Variants in NBPF11 observed in about 807,000 individuals in gnomAD.
NBPF11 encodes NBPF family member NBPF11.
In NBPF11, 72 loss-of-function variants were observed where a neutral mutation model predicts 93.9. The ratio of observed to expected loss-of-function variants is 0.77; its 90% CI spans 0.63 to 0.93. The LOEUF (loss-of-function observed/expected upper bound fraction) is 0.93. Among genes scored for constraint, NBPF11 ranks in the 40% least tolerant of loss-of-function variants. The pLI is 0.00. For missense variants in NBPF11, 705 were observed against 802.2 expected, an observed-to-expected ratio of 0.88 and a Z score of 1.46; for synonymous variants, 224 against 304.9, an observed-to-expected ratio of 0.73 and a Z score of 2.76.
intron 5 of NBPF11, 94 bp downstream of exon 5, chr1:148,126,735 T>G (rs1472845624): frequency 1.1e-6 from 1 of 942,648 alleles, no homozygotes; most frequent in East Asian, 2.4e-5. Context: ...TCTGTTTTCC[T>G]AGAAGTACAG....
At chr1:148,125,366 C>A (rs1291335917) in intron 5 of NBPF11, among the ~76,000 whole-genome samples, 8 of 151,972 alleles carry the variant, frequency 5.3e-5, no homozygotes, top group Admixed American at 2.6e-4. Context: ...GTAGTGATTT[C>A]TTGTACAGTC....
chr1:148,147,720 C>G (rs1408860811), intron 1 of NBPF11, among the ~76,000 whole-genome samples: 23 of 152,132 alleles, frequency 1.5e-4, no homozygotes, highest in Non-Finnish European at 3.1e-4. Flanking sequence ...GATATGCAGG[C>G]AGTCCCTGCT....
Position 148,105,370 on chromosome 1 carries a change from A to C in NBPF11, c.2462T>G (p.Leu821Trp). 5.9e-6 allele frequency: 5 copies of C among 853,332 alleles called. No individual in the cohort carries two copies. Among genetic ancestry groups the C allele is most frequent in the Non-Finnish European group, 6.0e-6 (3 of 496,014 alleles). 52.9% of individuals were successfully genotyped at this position (853,332 alleles called of 1,614,324 possible). The change falls in exon 22 of 24, where the codon TTG (leucine) becomes TGG (tryptophan). Residue 821 changes from leucine (L) to tryptophan (W), a missense_variant. Leu to Trp is a moderately conservative substitution (Grantham distance 61, BLOSUM62 -2). Transcript: ENST00000682118. ...HWRKNMLAFLLTWEKLKRRGR... is the reference protein window; with the variant it reads ...HWRKNMLAFLWTWEKLKRRGR... ...TAGAAAGGTACTCACCTCCCACGTC[A>C]AGAGAAAAGCCAACATGTTTTTCCT...
intron 8 of NBPF11, 73 bp from the exon 9 acceptor site, chr1:148,122,339 G>A: frequency 6.2e-7 from 1 of 1,607,684 alleles, no homozygotes; most frequent in South Asian, 1.1e-5. Context: ...AGTCCTAGCT[G>A]GTTTTGACAA....
intron 16 of NBPF11, 32 bp downstream of exon 16, chr1:148,110,346 G>C (rs1664952107): frequency 6.4e-7 from 1 of 1,572,850 alleles, no homozygotes; most frequent in African/African-American, 1.4e-5. Context: ...CCATGAACTG[G>C]AGCTTTATCA....
chr1:148,141,487 A>C (rs1672160133), intron 2 of NBPF11, among the ~76,000 whole-genome samples: 1 of 152,016 alleles, frequency 6.6e-6, no homozygotes, highest in Admixed American at 6.5e-5. Flanking sequence ...ACTTTTTTTT[A>C]ATTAGGATGC....
In NBPF11 at chr1:148,116,471, A is replaced by G. The variant is rs1666575634; in HGVS notation, c.1371T>C (p.Ser457=). The G allele has an allele frequency of 4.0e-6, 3 of 747,924 alleles. No homozygotes were observed. The African/African-American group carries it at 5.3e-5, about 13-fold the overall frequency. The allele number at this position is 747,924 out of a possible 1,614,324, so 46.3% of individuals were successfully genotyped here. ...TGAGTATTCAGTGTTACCTGGGGGA[A>G]GACGATTTCTGCACTTTCTCAGCCA... ...VEVAEKVQKS[S]SPREMQKAEE... is the part of the protein sequence containing the mutation. The change falls in exon 13 of 24, where the codon TCT becomes TCC. Residue 457 remains serine (S), a synonymous_variant. Transcript: ENST00000682118.
At position 148,105,410 on chromosome 1, in the gene NBPF11, G is replaced by A; in HGVS notation, c.2422C>T (p.Pro808Ser). ...SLTPASPTEVPFMHWRKNMLA... is the reference protein window; with the variant it reads ...SLTPASPTEVSFMHWRKNMLA... ...ATGTTTTTCCTCCAATGCATAAAAG[G>A]AACTTCCGTAGGGCTGGCAGGAGTC... The change falls in exon 22 of 24, where the codon CCT becomes TCT. Residue 808 changes from proline to serine, a missense_variant. Physicochemically the swap from Pro to Ser is moderately conservative, Grantham distance 74. Around this residue, in one of 12 missense-constraint regions of NBPF11, gnomAD observed 109 missense variants for 83.3 expected, o/e 1.31. Coordinates refer to ENST00000682118, the MANE Select transcript of NBPF11 (RefSeq NM_001385469.3). 1 of 1,080,456 alleles carries A rather than the reference G, an allele frequency of 9.3e-7. No individual in the cohort carries two copies. Among genetic ancestry groups the A allele is most frequent in the South Asian group, 1.2e-5 (1 of 80,016 alleles). 66.9% of individuals were successfully genotyped at this position (1,080,456 alleles called of 1,614,324 possible). A position where few individuals can be genotyped will look rare whatever the true frequency, so the allele number is the denominator to read the frequency against.
intron 1 of NBPF11, chr1:148,146,701 T>G (rs1673166091): frequency 1.8e-5 from 29 of 1,611,916 alleles, no homozygotes; most frequent in Non-Finnish European, 2.5e-5. Flanking sequence ...CTCCTGCATG[T>G]ATGTTCGCTG....
In NBPF11 at chr1:148,108,547, T is replaced by A. The variant is rs1558127405; in HGVS notation, c.1961A>T (p.Gln654Leu). The A allele has an allele frequency of 2.5e-6, 4 of 1,603,754 alleles. No individual in the cohort carries two copies. Among genetic ancestry groups the A allele is most frequent in the Admixed American group, 1.7e-5 (1 of 59,940 alleles). Residue 654 changes from glutamine (Q) to leucine (L), a missense_variant, in exon 18 of 24, where the codon CAG (glutamine) becomes CTG (leucine). Gln to Leu is a moderately radical substitution (Grantham distance 113). Transcript: ENST00000682118. ...SVYLGLTDSC[Q>L]PYRSAFYVLE... Reference sequence around the variant, plus strand: ...TACGTAAAAGGCACTTCTGTAGGGCTGGCATGAGTCAGTCAGTCCAAGATA... The same window carrying A: ...TACGTAAAAGGCACTTCTGTAGGGCAGGCATGAGTCAGTCAGTCCAAGATA...
rs1670720225 is a variant in NBPF11 at position 148,133,295 on chromosome 1, T to C, written c.-36+2377A>G. Among the ~76,000 whole-genome samples, 2 of 151,972 alleles carry C rather than the reference T, an allele frequency of 1.3e-5. 1 individual carries two copies. Among genetic ancestry groups the C allele is most frequent in the African/African-American group, 4.9e-5 (2 of 41,232 alleles). ...ATAAAGACAGCTTCAATTCTTTCTT[T>C]TCAATACTTTATTAATTTTTCTTAC... On this transcript the variant is annotated intron_variant, in intron 4 of 23. Transcript: ENST00000682118.
At chr1:148,142,111 A>C (rs1203426898) in intron 2 of NBPF11, among the ~76,000 whole-genome samples, 5 of 150,168 alleles carry the variant, frequency 3.3e-5, no homozygotes, top group Non-Finnish European at 7.4e-5. Flanking sequence ...GGAGGGAGGG[A>C]AAGAATAAAG....
chr1:148,104,108 G>GAC (rs1662952567), intron 23 of NBPF11, among the ~76,000 whole-genome samples, 196 bp from the exon 24 acceptor site: 1 of 136,054 alleles, frequency 7.4e-6, no homozygotes, highest in Non-Finnish European at 1.6e-5. Flanking sequence ...AAGACAGAGA[G>GAC]AGAGAGACAG....
chr1:148,126,110 C>T (rs112991438), intron 5 of NBPF11, among the ~76,000 whole-genome samples: 89 of 152,010 alleles, frequency 5.9e-4, no homozygotes, highest in Middle Eastern at 6.8e-3. Flanking sequence ...AAAGGATTCT[C>T]CTGCCTCAGC....
chr1:148,131,175 AAG>A (rs1348186726), intron 4 of NBPF11, among the ~76,000 whole-genome samples: 11 of 151,080 alleles, frequency 7.3e-5, no homozygotes, highest in East Asian at 5.8e-4. Context: ...AAAAAAAAAA[AAG>A]AAGCCAGTGC....
chr1:148,146,684 A>C, intron 1 of NBPF11: 1 of 1,611,798 alleles, frequency 6.2e-7, no homozygotes, highest in Non-Finnish European at 8.5e-7. Context: ...GCCCGCGGCA[A>C]CCGTGTCTCC....
At chr1:148,112,125 T>G (rs1665428284) in intron 15 of NBPF11, among the ~76,000 whole-genome samples, 1 of 139,992 alleles carries the variant, frequency 7.1e-6, no homozygotes. Context: ...ATATGTATAG[T>G]TTTCCTTTAT....
chr1:148,123,749 T>C (rs1282967681), intron 7 of NBPF11, 104 bp downstream of exon 7: 184 of 1,607,906 alleles, frequency 1.1e-4, no homozygotes, highest in Middle Eastern at 2.2e-4. Context: ...ATATGTGTAG[T>C]AGAAAAAAAC....
At chr1:148,129,324 T>A (rs1166658733) in intron 4 of NBPF11, among the ~76,000 whole-genome samples, 3 of 144,714 alleles carry the variant, frequency 2.1e-5, no homozygotes, top group Admixed American at 7.2e-5. Context: ...ATATATATAT[T>A]TTTTCTTTTT....
Sources: allele counts gnomAD v4.1 joint callset (sites outside exome capture counted in the v4.1 genomes callset), GRCh38; gene constraint gnomAD v4.1.1; regional missense constraint gnomAD v4.1.1; transcripts MANE v1.5; gene names NCBI Gene and HGNC (gene_info 2026-07-23, HGNC 2026-07-21).